The following PGM5 variants were observed in gnomAD, a reference collection of about 807,000 sequenced individuals.
The protein encoded by PGM5 is phosphoglucomutase 5.
A neutral mutation model predicts 59.2 loss-of-function variants in PGM5; 23 were observed. That is an observed-to-expected ratio of 0.39 (90% CI 0.28 to 0.55). The LOEUF is 0.55. Ranked by LOEUF, PGM5 falls within the 20% of genes least tolerant of loss-of-function variation. The pLI, the probability that PGM5 is intolerant of heterozygous loss-of-function variation, is 0.66. For missense variants in PGM5, 574 were observed against 748.3 expected (o/e 0.77, Z 2.72); for synonymous variants, 214 against 286.0 (o/e 0.75, Z 2.54).
At chr9:68,450,433 C>T (rs1391598621) in intron 6 of PGM5, among the ~76,000 whole-genome samples, 1 of 152,094 alleles carries the variant, frequency 6.6e-6, no homozygotes, top group Non-Finnish European at 1.5e-5. Flanking sequence ...TTAACCTCTT[C>T]CGAAGGTGAA....
intron 6 of PGM5, among the ~76,000 whole-genome samples, chr9:68,434,117 G>C (rs997759514): frequency 8.6e-5 from 13 of 152,024 alleles, no homozygotes; most frequent in African/African-American, 2.7e-4. Context: ...AGGAGTTTGA[G>C]ACCAGCCTGG....
At chr9:68,499,623 G>C (rs1824540237) in intron 10 of PGM5, among the ~76,000 whole-genome samples, 1 of 152,192 alleles carries the variant, frequency 6.6e-6, no homozygotes, top group Admixed American at 6.5e-5. Flanking sequence ...ACTGTTGAGT[G>C]GTTTGTTAAT....
intron 6 of PGM5, among the ~76,000 whole-genome samples, chr9:68,444,514 G>A (rs1554683900): frequency 6.6e-6 from 1 of 152,184 alleles, no homozygotes; most frequent in East Asian, 1.9e-4. Context: ...TAGGAATTAT[G>A]TATGGGCAAT....
At chr9:68,434,701 G>T (rs1823416978) in intron 6 of PGM5, among the ~76,000 whole-genome samples, 1 of 151,976 alleles carries the variant, frequency 6.6e-6, no homozygotes, top group Admixed American at 6.6e-5. Context: ...AGCTACTCAG[G>T]AGGCTGAGGC....
At chr9:68,434,534 C>T (rs1025225895) in intron 6 of PGM5, among the ~76,000 whole-genome samples, 5 of 151,850 alleles carry the variant, frequency 3.3e-5, no homozygotes, top group African/African-American at 9.7e-5. Flanking sequence ...TGGCTTGGTG[C>T]GGTGGCTCAC....
intron 6 of PGM5, chr9:68,429,161 A>T (rs1317973875): frequency 2.0e-5 from 3 of 152,078 alleles, no homozygotes; most frequent in African/African-American, 7.2e-5. Flanking sequence ...ATGAAGTTAA[A>T]CTCTGAAGCA....
intron 6 of PGM5, among the ~76,000 whole-genome samples, chr9:68,435,614 G>T (rs1823431453): frequency 6.6e-6 from 1 of 151,904 alleles, no homozygotes; most frequent in Non-Finnish European, 1.5e-5. Context: ...CCTTTTTATG[G>T]CTTAATAATA....
chr9:68,442,869 T>C (rs1823550531), intron 6 of PGM5, among the ~76,000 whole-genome samples: 1 of 152,184 alleles, frequency 6.6e-6, no homozygotes, highest in Non-Finnish European at 1.5e-5. Flanking sequence ...ACATAACAAT[T>C]AGAATTGCTA....
chr9:68,446,931 C>G (rs1554684038), intron 6 of PGM5, among the ~76,000 whole-genome samples: 1 of 152,186 alleles, frequency 6.6e-6, no homozygotes, highest in African/African-American at 2.4e-5. Flanking sequence ...AGGGAGGATG[C>G]CATTGTAATA....
chr9:68,522,124 G>A (rs1439445377), intron 10 of PGM5, among the ~76,000 whole-genome samples: 2 of 152,140 alleles, frequency 1.3e-5, no homozygotes, highest in Non-Finnish European at 2.9e-5. Flanking sequence ...GTGTGGTGGT[G>A]TGCACCTGTA....
chr9:68,440,133 T>C (rs1194329894), intron 6 of PGM5, among the ~76,000 whole-genome samples: 59 of 152,186 alleles, frequency 3.9e-4, no homozygotes, highest in Non-Finnish European at 5.9e-5. Context: ...GTTGAAGACA[T>C]CAACAGTCTT....
intron 10 of PGM5, among the ~76,000 whole-genome samples, chr9:68,506,471 CTTAAGT>C (rs1316259906): frequency 6.6e-6 from 1 of 152,152 alleles, no homozygotes; most frequent in Non-Finnish European, 1.5e-5. Context: ...CAGTTAAACT[CTTAAGT>C]TTAATTTGTT....
At chr9:68,460,019 G>A (rs918399754) in intron 6 of PGM5, among the ~76,000 whole-genome samples, 1 of 152,032 alleles carries the variant, frequency 6.6e-6, no homozygotes, top group Non-Finnish European at 1.5e-5. Flanking sequence ...TAGTACCATG[G>A]GCCCTTCTTG....
At position 68,406,702 on chromosome 9, in the gene PGM5, A is replaced by G. The variant is rs560351897; in HGVS notation, c.1043+14229A>G. Among the ~76,000 whole-genome samples, 32 of 82,010 alleles carry G rather than the reference A, an allele frequency of 3.9e-4. 6 individuals are homozygous for G. Among genetic ancestry groups the G allele is most frequent in the South Asian group, 8.7e-4 (2 of 2,308 alleles). The allele number at this position is 82,010 out of a possible 152,430, so 53.8% of individuals were successfully genotyped here. ...TGTATATATATATATATATATATAT[A>G]TATATATATATATATATATATATGT... On this transcript the variant is annotated intron_variant, in intron 6 of 10. Transcript: ENST00000396396.
chr9:68,442,245 C>T (rs1007743961), intron 6 of PGM5, among the ~76,000 whole-genome samples: 1 of 152,036 alleles, frequency 6.6e-6, no homozygotes, highest in African/African-American at 2.4e-5. Flanking sequence ...AGAGGCAGAA[C>T]AATTTTCAAA....
chr9:68,400,852 T>C (rs1473048007), intron 6 of PGM5: 15 of 152,736 alleles, frequency 9.8e-5, no homozygotes, highest in African/African-American at 3.4e-4. Flanking sequence ...TATTTCCTAG[T>C]CGATAATGAA....
chr9:68,427,314 T>A (rs782271354), intron 6 of PGM5, among the ~76,000 whole-genome samples: 7 of 152,038 alleles, frequency 4.6e-5, no homozygotes, highest in Non-Finnish European at 8.8e-5. Flanking sequence ...GTAACACAGA[T>A]CTTGTTACAG....
intron 6 of PGM5, among the ~76,000 whole-genome samples, chr9:68,404,354 C>A (rs1319544413): frequency 6.6e-6 from 1 of 152,144 alleles, no homozygotes; most frequent in Non-Finnish European, 1.5e-5. Flanking sequence ...GTTTTTAACT[C>A]CTGGCCTCAA....
At chr9:68,490,746 A>G (rs1824377247) in intron 9 of PGM5, among the ~76,000 whole-genome samples, 1 of 152,164 alleles carries the variant, frequency 6.6e-6, no homozygotes. Context: ...CTGGAGTGCC[A>G]TTTGCTGGAG....
Sources: gnomAD v4.1 joint callset for allele counts (sites outside exome capture counted in the v4.1 genomes callset) on GRCh38, gnomAD v4.1.1 for gene constraint, MANE v1.5 for transcripts, NCBI Gene and HGNC (gene_info 2026-07-23, HGNC 2026-07-21) for gene names.